The following ADAMTS12 variants were observed in gnomAD, a reference collection of about 807,000 sequenced individuals.
The protein encoded by ADAMTS12 is ADAM metallopeptidase with thrombospondin type 1 motif 12, also known as A disintegrin and metalloproteinase with thrombospondin motifs 12.
In ADAMTS12, 118 loss-of-function variants were observed where a neutral mutation model predicts 167.8. The ratio of observed to expected loss-of-function variants is 0.70; its 90% CI spans 0.61 to 0.82. The LOEUF is 0.82. Ranked by LOEUF, ADAMTS12 falls within the 40% of genes least tolerant of loss-of-function variation. The pLI, the probability that ADAMTS12 is intolerant of heterozygous loss-of-function variation, is 0.00. For missense variants in ADAMTS12, 1,916 were observed against 1,998.8 expected (o/e 0.96, Z 0.79); for synonymous variants, 704 against 716.9 (o/e 0.98, Z 0.29).
chr5:33,524,052 A>G lies in ADAMTS12; in HGVS notation c.*3136T>C, dbSNP rs192429060. 6.6e-6 allele frequency: 1 copy of G among 152,378 alleles called. No homozygotes were observed. The highest frequency in any genetic ancestry group is 6.5e-5 in the Admixed American group (1 of 15,302). 9.4% of individuals were successfully genotyped at this position (152,378 alleles called of 1,614,324 possible). A position where few individuals can be genotyped will look rare whatever the true frequency, so the allele number is the denominator to read the frequency against. Reference sequence around the variant, plus strand: ...TATCTAAAACAATATAATCTCTCACATTGTGTTTCAGATACTGGATGAAGG... The same window carrying G: ...TATCTAAAACAATATAATCTCTCACGTTGTGTTTCAGATACTGGATGAAGG... On this transcript the variant is annotated 3_prime_UTR_variant, in exon 24 of 24. Coordinates refer to ENST00000504830, the MANE Select transcript of ADAMTS12 (RefSeq NM_030955.4).
At chr5:33,668,855 T>C (rs554249282) in intron 5 of ADAMTS12, among the ~76,000 whole-genome samples, 21 of 152,332 alleles carry the variant, frequency 1.4e-4, no homozygotes, top group South Asian at 6.2e-4. Flanking sequence ...TCACCATTTA[T>C]CAGACTTGTA....
chr5:33,747,259 AC>A (rs1744822613), intron 3 of ADAMTS12, among the ~76,000 whole-genome samples: 1 of 152,192 alleles, frequency 6.6e-6, no homozygotes, highest in South Asian at 2.1e-4. Flanking sequence ...AGGGGAGACA[AC>A]TATTCATTGA....
chr5:33,588,905 G>A, intron 17 of ADAMTS12, 96 bp from the exon 18 acceptor site: 1 of 1,450,482 alleles, frequency 6.9e-7, no homozygotes, highest in South Asian at 1.2e-5. Flanking sequence ...GCAGATCACA[G>A]GGCTGGAAGG....
At chr5:33,734,624 T>C (rs1683608314) in intron 3 of ADAMTS12, among the ~76,000 whole-genome samples, 1 of 152,240 alleles carries the variant, frequency 6.6e-6, no homozygotes, top group South Asian at 2.1e-4. Flanking sequence ...ACTATCCTGA[T>C]TGCCCCAAAT....
Position 33,588,680 on chromosome 5 carries a change from G to T in ADAMTS12, c.2784C>A (p.His928Gln). 1 of 1,614,146 alleles carries T rather than the reference G, an allele frequency of 6.2e-7. No individual in the cohort carries two copies. The highest frequency in any genetic ancestry group is 1.6e-4 in the Middle Eastern group (1 of 6,062). ...AAAGGAGGGTCTTGGGCTTCAGCAG[G>T]TGCTGGCAGTCTGTGGGCGGGAGAG... ...EQALPPTDCQ[H>Q]LLKPKTLLSC... The change falls in exon 18 of 24, where the codon CAC (histidine) becomes CAA (glutamine). Residue 928 changes from histidine (H) to glutamine (Q), a missense_variant. By Grantham distance (24) the His-to-Gln change is conservative (BLOSUM62 0). Coordinates refer to ENST00000504830, the MANE Select transcript of ADAMTS12 (RefSeq NM_030955.4).
At chr5:33,755,703 T>C (rs190477619) in intron 2 of ADAMTS12, among the ~76,000 whole-genome samples, 2 of 152,286 alleles carry the variant, frequency 1.3e-5, no homozygotes, top group African/African-American at 4.8e-5. Context: ...GAGCCAATGA[T>C]AGTGTAAAAG....
At chr5:33,542,911 G>A (rs1316688676) in intron 22 of ADAMTS12, among the ~76,000 whole-genome samples, 2 of 152,094 alleles carry the variant, frequency 1.3e-5, no homozygotes, top group African/African-American at 4.8e-5. Context: ...AGAGAAAGCA[G>A]GAAAGATCTA....
chr5:33,812,476 A>G (rs1747498599), intron 2 of ADAMTS12, among the ~76,000 whole-genome samples: 1 of 152,238 alleles, frequency 6.6e-6, no homozygotes, highest in African/African-American at 2.4e-5. Context: ...TCAAGATCAA[A>G]AAGAGAATAT....
chr5:33,682,839 C>T (rs1031562820), intron 5 of ADAMTS12, among the ~76,000 whole-genome samples, 179 bp downstream of exon 5: 2 of 152,124 alleles, frequency 1.3e-5, no homozygotes, highest in Non-Finnish European at 2.9e-5. Flanking sequence ...ATGTTATCCA[C>T]ATCCCGCTCA....
chr5:33,642,290 G>A (rs775995881), intron 10 of ADAMTS12, among the ~76,000 whole-genome samples: 3 of 152,180 alleles, frequency 2.0e-5, no homozygotes, highest in Admixed American at 6.5e-5. Context: ...AGCTTAGTAT[G>A]CTTAGCAACA....
chr5:33,766,118 C>T (rs970483392), intron 2 of ADAMTS12, among the ~76,000 whole-genome samples: 4 of 152,126 alleles, frequency 2.6e-5, no homozygotes, highest in Non-Finnish European at 4.4e-5. Flanking sequence ...AACTTAACTG[C>T]CCCCTGTGTT....
At chr5:33,681,726 T>C (rs991049722) in intron 5 of ADAMTS12, among the ~76,000 whole-genome samples, 2 of 152,126 alleles carry the variant, frequency 1.3e-5, no homozygotes, top group African/African-American at 2.4e-5. Context: ...ACACGGGGCA[T>C]AAGGCATGAG....
At chr5:33,796,107 A>G (rs1746765611) in intron 2 of ADAMTS12, among the ~76,000 whole-genome samples, 1 of 152,256 alleles carries the variant, frequency 6.6e-6, no homozygotes, top group South Asian at 2.1e-4. Context: ...CCAATAGGAC[A>G]ATAGATCATG....
At chr5:33,649,313 G>T (rs1048482788) in intron 8 of ADAMTS12, among the ~76,000 whole-genome samples, 1 of 152,070 alleles carries the variant, frequency 6.6e-6, no homozygotes, top group East Asian at 1.9e-4. Flanking sequence ...GCTATTTTGG[G>T]GCAGGAGCAA....
chr5:33,608,012 T>C (rs1340225519), intron 16 of ADAMTS12, among the ~76,000 whole-genome samples: 1 of 152,094 alleles, frequency 6.6e-6, no homozygotes, highest in Admixed American at 6.6e-5. Flanking sequence ...TATAAGCAAA[T>C]TGGATAAATG....
chr5:33,774,213 C>G (rs1745837342), intron 2 of ADAMTS12, among the ~76,000 whole-genome samples: 1 of 152,102 alleles, frequency 6.6e-6, no homozygotes, highest in South Asian at 2.1e-4. Context: ...TCTATCAGAA[C>G]CCTAAGAATA....
chr5:33,609,208 G>C (rs1344031341), intron 16 of ADAMTS12, among the ~76,000 whole-genome samples: 1 of 152,028 alleles, frequency 6.6e-6, no homozygotes, highest in African/African-American at 2.4e-5. Context: ...AATAAGTTTA[G>C]GTGGGTTAAA....
intron 13 of ADAMTS12, among the ~76,000 whole-genome samples, chr5:33,629,433 C>G (rs1739815296): frequency 6.6e-6 from 1 of 151,980 alleles, no homozygotes; most frequent in South Asian, 2.1e-4. Flanking sequence ...CATTTTACAC[C>G]AGGGCCTCTG....
intron 20 of ADAMTS12, among the ~76,000 whole-genome samples, chr5:33,556,055 G>A (rs1279385755): frequency 6.6e-6 from 1 of 152,226 alleles, no homozygotes; most frequent in African/African-American, 2.4e-5. Flanking sequence ...CCTAGAGCTC[G>A]ACGTTTGTCC....
Sources: gnomAD v4.1 joint callset for allele counts (sites outside exome capture counted in the v4.1 genomes callset) on GRCh38, gnomAD v4.1.1 for gene constraint, MANE v1.5 for transcripts, NCBI Gene and HGNC (gene_info 2026-07-23, HGNC 2026-07-21) for gene names.